GNAT3: variants seen among roughly 807,000 people sequenced by gnomAD.
The protein encoded by GNAT3 is guanine nucleotide-binding protein G(t) subunit alpha-3.
A neutral mutation model predicts 37.7 loss-of-function variants in GNAT3; 31 were observed. That is an observed-to-expected ratio of 0.82 (90% CI 0.62 to 1.11). The LOEUF is 1.11. Ranked by LOEUF, GNAT3 falls within the 50% of genes most tolerant of loss-of-function variation. GNAT3 has a pLI of 0.00. For missense variants in GNAT3, 437 were observed against 412.5 expected (o/e 1.06, Z -0.51); for synonymous variants, 138 against 139.8 (o/e 0.99, Z 0.09).
chr7:80,461,295 C>A (rs939051332), intron 7 of GNAT3, among the ~76,000 whole-genome samples: 4 of 152,154 alleles, frequency 2.6e-5, no homozygotes, highest in Admixed American at 2.0e-4. Flanking sequence ...CACCTGTAAT[C>A]CCAGCACTTT....
intron 4 of GNAT3, among the ~76,000 whole-genome samples, chr7:80,474,594 C>T (rs1291576856): frequency 6.6e-6 from 1 of 152,118 alleles, no homozygotes; most frequent in South Asian, 2.1e-4. Context: ...CCAAACTATG[C>T]TCATCGAATT....
chr7:80,467,496 T>TA (rs1790145037), intron 5 of GNAT3, among the ~76,000 whole-genome samples: 1 of 152,112 alleles, frequency 6.6e-6, no homozygotes, highest in East Asian at 1.9e-4. Context: ...TAAGACTAGT[T>TA]ACATTTTGTT....
chr7:80,481,893 C>A (rs1447517128), intron 3 of GNAT3, among the ~76,000 whole-genome samples: 1 of 152,154 alleles, frequency 6.6e-6, no homozygotes, highest in African/African-American at 2.4e-5. Flanking sequence ...TAACTTAATT[C>A]TTTTCAACCA....
intron 1 of GNAT3, among the ~76,000 whole-genome samples, chr7:80,503,469 A>G (rs770778836): frequency 1.3e-5 from 2 of 152,250 alleles, no homozygotes; most frequent in Non-Finnish European, 2.9e-5. Context: ...CTTCTTATCT[A>G]TATCATGAAA....
At chr7:80,496,928 A>C (rs1398520463) in intron 1 of GNAT3, among the ~76,000 whole-genome samples, 5 of 151,282 alleles carry the variant, frequency 3.3e-5, no homozygotes, top group African/African-American at 1.2e-4. Context: ...TGTCCACCTT[A>C]TGTGATAGTG....
At chr7:80,472,400 A>T (rs1384060660) in intron 5 of GNAT3, among the ~76,000 whole-genome samples, 1 of 152,166 alleles carries the variant, frequency 6.6e-6, no homozygotes, top group Non-Finnish European at 1.5e-5. Flanking sequence ...AGTGACAGGG[A>T]TAAGCATGGA....
At chr7:80,505,215 G>A (rs1013040431) in intron 1 of GNAT3, among the ~76,000 whole-genome samples, 1 of 152,158 alleles carries the variant, frequency 6.6e-6, no homozygotes, top group African/African-American at 2.4e-5. Flanking sequence ...TTACGGAGGT[G>A]AAATACTCCT....
At chr7:80,474,132 G>T in intron 5 of GNAT3, 119 bp downstream of exon 5, 2 of 914,710 alleles carry the variant, frequency 2.2e-6, no homozygotes, top group Non-Finnish European at 3.3e-6. Context: ...GTAAACTAGA[G>T]CTAGTGAGTA....
At chr7:80,458,889 A>C (rs1223062850) in intron 7 of GNAT3, 28 bp from the exon 8 acceptor site, 1 of 1,409,662 alleles carries the variant, frequency 7.1e-7, no homozygotes, top group Admixed American at 2.5e-5. Context: ...TTGAAGAAGT[A>C]AAGATTAATC....
intron 1 of GNAT3, among the ~76,000 whole-genome samples, chr7:80,497,135 AC>A: frequency 1.3e-5 from 2 of 152,230 alleles, no homozygotes; most frequent in Non-Finnish European, 2.9e-5. Flanking sequence ...AAATTTCTTT[AC>A]ATAATCAAAC....
chr7:80,488,519 T>C lies in GNAT3; in HGVS notation c.303+16A>G, dbSNP rs1233036049. 6 of 1,593,660 alleles carry C rather than the reference T, an allele frequency of 3.8e-6. No individual in the cohort carries two copies. The highest frequency in any genetic ancestry group is 1.3e-5 in the African/African-American group (1 of 74,748). Reference sequence around the variant, plus strand: ...TCTATTGCAGGACATACAGCTGTCATTATTTGCATACTTACTGCACTTCTG... The same window carrying C: ...TCTATTGCAGGACATACAGCTGTCACTATTTGCATACTTACTGCACTTCTG... On this transcript the variant is annotated intron_variant, in intron 3 of 7. Transcript: ENST00000398291.
intron 5 of GNAT3, among the ~76,000 whole-genome samples, chr7:80,467,293 G>A (rs569336082): frequency 5.3e-5 from 8 of 152,048 alleles, no homozygotes; most frequent in African/African-American, 7.2e-5. Flanking sequence ...GCTTATAATC[G>A]TCTCATTTTA....
rs766665778 is a variant in GNAT3, at chr7:80,462,320, G to A, written c.721-8C>T. On this transcript the variant is annotated splice_polypyrimidine_tract_variant and splice_region_variant and intron_variant, in intron 6 of 7. Transcript: ENST00000398291. ...GCTTTCATGCATTCTATTCTGTTAG[G>A]TATCAGAAATGAGAATGGGTAGGAT... The A allele has an allele frequency of 1.2e-6, 2 of 1,610,220 alleles. No homozygotes were observed. The highest frequency in any genetic ancestry group is 2.2e-5 in the South Asian group (2 of 90,712).
chr7:80,467,179 A>G (rs557118613), intron 5 of GNAT3, among the ~76,000 whole-genome samples: 5 of 152,230 alleles, frequency 3.3e-5, no homozygotes, highest in African/African-American at 1.2e-4. Flanking sequence ...ACATGTTTTA[A>G]GTGGCTTGGC....
intron 7 of GNAT3, among the ~76,000 whole-genome samples, chr7:80,460,563 C>A (rs183157712): frequency 6.6e-6 from 1 of 152,090 alleles, no homozygotes; most frequent in Admixed American, 6.6e-5. Flanking sequence ...GCCTGGCCAA[C>A]ATGGTGAAAT....
intron 1 of GNAT3, among the ~76,000 whole-genome samples, chr7:80,509,913 T>A (rs766971080): frequency 1.8e-4 from 28 of 152,172 alleles, no homozygotes; most frequent in Non-Finnish European, 3.7e-4. Flanking sequence ...AAAAATACAG[T>A]GTAGAATGGT....
chr7:80,463,596 T>G (rs77512479), intron 5 of GNAT3, among the ~76,000 whole-genome samples: 2,006 of 152,026 alleles, frequency 0.013, 54 homozygotes, highest in East Asian at 0.067. Context: ...TTACCTTCTA[T>G]AGCATCACTT....
chr7:80,482,822 T>G (rs1228853242), intron 3 of GNAT3, among the ~76,000 whole-genome samples: 1 of 150,994 alleles, frequency 6.6e-6, no homozygotes, highest in Non-Finnish European at 1.5e-5. Context: ...TGAACCACCA[T>G]ACCTGTCCTT....
chr7:80,466,946 G>A (rs1035240124), intron 5 of GNAT3, among the ~76,000 whole-genome samples: 2 of 152,108 alleles, frequency 1.3e-5, no homozygotes, highest in South Asian at 2.1e-4. Flanking sequence ...TTGGAATTGT[G>A]TGCTCTCCCT....
Sources: allele counts gnomAD v4.1 joint callset (sites outside exome capture counted in the v4.1 genomes callset), GRCh38; gene constraint gnomAD v4.1.1; transcripts MANE v1.5; gene names NCBI Gene and HGNC (gene_info 2026-07-23, HGNC 2026-07-21).